The following PON1 variants were observed in gnomAD, a reference collection of about 807,000 sequenced individuals.
The protein encoded by PON1 is serum paraoxonase/arylesterase 1.
A neutral mutation model predicts 39.2 loss-of-function variants in PON1; 37 were observed. That is an observed-to-expected ratio of 0.94 (90% CI 0.73 to 1.24). The LOEUF (loss-of-function observed/expected upper bound fraction) is 1.24. PON1 is among the 50% of genes most tolerant of loss of function. The pLI, the probability that PON1 is intolerant of heterozygous loss-of-function variation, is 0.00. For synonymous variants in PON1, 148 were observed against 152.2 expected, an observed-to-expected ratio of 0.97 and a Z score of 0.21; for missense variants, 397 against 413.5, an observed-to-expected ratio of 0.96 and a Z score of 0.35.
chr7:95,313,487 T>C lies in PON1; in HGVS notation c.370+1835A>G, dbSNP rs554625216. On this transcript the variant is annotated intron_variant, in intron 4 of 8. Transcript: ENST00000222381. The stretch of plus-strand genomic sequence containing the variant: ...GAAGGGGTTGTGTAATATTACCTCA[T>C]TTTTATTTTAAAAAGTATCCACACA... Among the ~76,000 whole-genome samples, 3 of 152,346 alleles carry C rather than the reference T, an allele frequency of 2.0e-5. No homozygotes were observed. The South Asian group carries it at 6.2e-4, about 32-fold the overall frequency.
intron 2 of PON1, among the ~76,000 whole-genome samples, chr7:95,317,008 T>G (rs1807782986): frequency 6.6e-6 from 1 of 152,230 alleles, no homozygotes; most frequent in South Asian, 2.1e-4. Flanking sequence ...AATTTACACT[T>G]AGTATATTTG....
chr7:95,324,457 G>T lies in PON1; in HGVS notation c.19C>A (p.Leu7Ile). 1 of 1,614,184 alleles carries T rather than the reference G, an allele frequency of 6.2e-7. No homozygotes were observed. The change falls in exon 1 of 9, where the codon CTC (leucine) becomes ATC (isoleucine). Residue 7 changes from leucine to isoleucine, a missense_variant. Transcript: ENST00000222381. ...GCCAGTCCCATCCCCAAGAGGGTGA[G>T]CGCAATCAGCTTCGCCATGGTCGGG... MAKLIA[L>I]TLLGMGLALF...
At chr7:95,301,608 T>A (rs908002888) in intron 8 of PON1, among the ~76,000 whole-genome samples, 4 of 152,050 alleles carry the variant, frequency 2.6e-5, no homozygotes, top group Non-Finnish European at 5.9e-5. Flanking sequence ...GCATTATAAC[T>A]CTGTTGATTA....
intron 6 of PON1, among the ~76,000 whole-genome samples, chr7:95,306,581 G>A (rs1293640574): frequency 6.6e-6 from 1 of 152,222 alleles, no homozygotes; most frequent in Admixed American, 6.5e-5. Flanking sequence ...AGGGGACATA[G>A]TTGTCCTTAT....
At chr7:95,311,945 G>T (rs980290735) in intron 4 of PON1, among the ~76,000 whole-genome samples, 6 of 152,192 alleles carry the variant, frequency 3.9e-5, no homozygotes, top group African/African-American at 1.2e-4. Context: ...AATATGAGAA[G>T]GTGTGATCAG....
chr7:95,313,013 A>G (rs1807689350), intron 4 of PON1, among the ~76,000 whole-genome samples: 2 of 152,214 alleles, frequency 1.3e-5, no homozygotes, highest in African/African-American at 4.8e-5. Context: ...CCAAGGAGTA[A>G]CATGAGCTGA....
chr7:95,319,493 C>T (rs1807849836), intron 1 of PON1, among the ~76,000 whole-genome samples: 3 of 152,058 alleles, frequency 2.0e-5, no homozygotes. Context: ...TGTAAAAGTG[C>T]CACAGTTTGT....
chr7:95,311,491 G>C lies in PON1; in HGVS notation c.457C>G (p.Leu153Val). The change falls in exon 5 of 9, where the codon CTT (leucine) becomes GTT (valine). Residue 153 changes from leucine to valine, a missense_variant. Leu to Val is a conservative substitution (Grantham distance 32). Transcript: ENST00000222381. ...TGTCTGATGGTTTTTAGATGCAAAA[G>C]CGATTTTTCTTCTTCTTGAAATTTA... Reference protein sequence around the residue: ...LFKFQEEEKSLLHLKTIRHKL... With the variant: ...LFKFQEEEKSVLHLKTIRHKL... The C allele has an allele frequency of 6.2e-7, 1 of 1,614,042 alleles. No individual in the cohort carries two copies. The highest frequency in any genetic ancestry group is 8.5e-7 in the Non-Finnish European group (1 of 1,179,936).
intron 8 of PON1, among the ~76,000 whole-genome samples, chr7:95,300,465 C>T (rs914067779): frequency 6.6e-6 from 1 of 152,150 alleles, no homozygotes; most frequent in African/African-American, 2.4e-5. Flanking sequence ...TCTGTGGGAA[C>T]GTTCAAAATG....
chr7:95,307,944 AG>A, intron 6 of PON1, 66 bp downstream of exon 6: 1 of 1,421,454 alleles, frequency 7.0e-7, no homozygotes, highest in Non-Finnish European at 9.9e-7. Flanking sequence ...ACTTAAAAAA[AG>A]AATATATTCC....
chr7:95,314,304 G>A (rs1807718639), intron 4 of PON1, among the ~76,000 whole-genome samples: 1 of 152,006 alleles, frequency 6.6e-6, no homozygotes, highest in Non-Finnish European at 1.5e-5. Flanking sequence ...AGTTTTCAGT[G>A]AGCCAAGATT....
intron 1 of PON1, among the ~76,000 whole-genome samples, chr7:95,322,470 T>C (rs1298165000): frequency 1.3e-5 from 2 of 152,012 alleles, no homozygotes; most frequent in Non-Finnish European, 2.9e-5. Flanking sequence ...AGAAATGATA[T>C]CTAACCCAGG....
rs3917472 is a variant in PON1, at chr7:95,323,345, A to G, written c.74+1057T>C. Among the ~76,000 whole-genome samples, 1,422 of 152,264 alleles carry G rather than the reference A, an allele frequency of 9.3e-3. 23 individuals carry two copies. The highest frequency in any genetic ancestry group is 0.032 in the African/African-American group (1,340 of 41,534). On this transcript the variant is annotated intron_variant, in intron 1 of 8. Transcript: ENST00000222381. ...CACTGTGATTAATAAAAACTCACAA[A>G]CTGTAATTTTTACATGATTTAAAAG...
chr7:95,298,756 G>GAT lies in PON1; in HGVS notation c.*186_*187dup. ...TTTTCAAGTATTCCAAGACTGATTT[G>GAT]ATAGTGTATTCTCAAAAAAAAGCCC... is the stretch of plus-strand genomic sequence containing the variant. On this transcript the variant is annotated 3_prime_UTR_variant, in exon 9 of 9. Transcript: ENST00000222381. The GAT allele has an allele frequency of 1.5e-6, 1 of 678,122 alleles. No individual in the cohort carries two copies. The highest frequency in any genetic ancestry group is 2.3e-5 in the Admixed American group (1 of 43,710). The allele number at this position is 678,122 out of a possible 1,614,324, so 42.0% of individuals were successfully genotyped here. A position where few individuals can be genotyped will look rare whatever the true frequency, so the allele number is the denominator to read the frequency against.
chr7:95,308,172 A>G lies in PON1; in HGVS notation c.537T>C (p.Tyr179=). 6.2e-7 allele frequency: 1 copy of G among 1,614,168 alleles called. No homozygotes were observed. Among genetic ancestry groups the G allele is most frequent in the South Asian group, 1.1e-5 (1 of 91,078 alleles). ...DIVAVGPEHF[Y]GTNDHYFLDP... is the part of the protein sequence containing the mutation. ...CAAGAAAATAGTGATCATTTGTGCCATAAAAGTGCTCAGGTCCCACAGCAA... is the reference window on the plus strand; with the variant it reads ...CAAGAAAATAGTGATCATTTGTGCCGTAAAAGTGCTCAGGTCCCACAGCAA... The change falls in exon 6 of 9, where the codon TAT becomes TAC. Residue 179 remains tyrosine (Y), a synonymous_variant. Coordinates refer to ENST00000222381, the MANE Select transcript of PON1 (RefSeq NM_000446.7).
At chr7:95,314,822 T>C (rs1807730157) in intron 4 of PON1, among the ~76,000 whole-genome samples, 1 of 152,132 alleles carries the variant, frequency 6.6e-6, no homozygotes, top group African/African-American at 2.4e-5. Flanking sequence ...CACCAAGTTA[T>C]GTTGAAAGGG....
chr7:95,318,243 T>C, intron 2 of PON1, 80 bp downstream of exon 2: 3 of 1,163,420 alleles, frequency 2.6e-6, no homozygotes, highest in Middle Eastern at 1.9e-4. Flanking sequence ...TGGACAGAAT[T>C]GAACAGGCAC....
intron 1 of PON1, among the ~76,000 whole-genome samples, chr7:95,319,439 A>T (rs1807848672): frequency 6.6e-6 from 1 of 152,222 alleles, no homozygotes; most frequent in Non-Finnish European, 1.5e-5. Context: ...CTGTCTAAAA[A>T]AATCTGACGT....
chr7:95,324,027 G>T (rs1807958044), intron 1 of PON1, among the ~76,000 whole-genome samples: 1 of 152,196 alleles, frequency 6.6e-6, no homozygotes, highest in Non-Finnish European at 1.5e-5. Flanking sequence ...AGCGACAGGG[G>T]CTCCTTTCTC....
Sources: gnomAD v4.1 joint callset for allele counts (sites outside exome capture counted in the v4.1 genomes callset) on GRCh38, gnomAD v4.1.1 for gene constraint, MANE v1.5 for transcripts, NCBI Gene and HGNC (gene_info 2026-07-23, HGNC 2026-07-21) for gene names.